PTPRD: variants seen among roughly 807,000 people sequenced by gnomAD.
PTPRD encodes the protein protein tyrosine phosphatase receptor type D.
Under a neutral mutation model 214.5 loss-of-function variants are expected in PTPRD, and 34 were observed. That is an observed-to-expected ratio of 0.16 (90% confidence interval 0.12 to 0.21). The LOEUF (loss-of-function observed/expected upper bound fraction) is 0.21. PTPRD is among the 10% of genes least tolerant of loss of function. PTPRD has a pLI of 1.00. For missense variants in PTPRD, 2,545 were observed against 2,398.7 expected (o/e 1.06, Z -1.27); for synonymous variants, 1,128 against 845.7 (o/e 1.33, Z -5.79).
At chr9:8,794,069 G>A (rs183963896) in intron 11 of PTPRD, among the ~76,000 whole-genome samples, 60 of 152,292 alleles carry the variant, frequency 3.9e-4, no homozygotes, top group Non-Finnish European at 1.5e-5. Flanking sequence ...GCATTACAGT[G>A]CAGCAGCCTG....
At chr9:8,822,749 C>T (rs956919668) in intron 11 of PTPRD, among the ~76,000 whole-genome samples, 1 of 152,214 alleles carries the variant, frequency 6.6e-6, no homozygotes, top group South Asian at 2.1e-4. Flanking sequence ...AAGCAATTTG[C>T]CCAAGGTCCC....
At chr9:9,595,621 G>T (rs2093280667) in intron 7 of PTPRD, among the ~76,000 whole-genome samples, 1 of 151,570 alleles carries the variant, frequency 6.6e-6, no homozygotes, top group Non-Finnish European at 1.5e-5. Context: ...CCATTAAAAG[G>T]AATGAATTAA....
At position 10,036,318 on chromosome 9, in the gene PTPRD, C is replaced by T. The variant is rs140277474; in HGVS notation, c.-544-2528G>A. On this transcript the variant is annotated intron_variant, in intron 3 of 45. Transcript: ENST00000381196. ...GGTAAATGATCATCAATGTGTTACC[C>T]GCATGCTTAATTCCCTGATGTATTT... Among the ~76,000 whole-genome samples, 4 of 151,920 alleles carry T rather than the reference C, an allele frequency of 2.6e-5. No homozygotes were observed. The South Asian group carries it at 6.2e-4, about 24-fold the overall frequency.
rs187267643 is a variant in PTPRD at position 10,220,576 on chromosome 9, C to A, written c.-545+120387G>T. On this transcript the variant is annotated intron_variant, in intron 3 of 45. Transcript: ENST00000381196. ...ATTACAAATTTAAAAAGTTAATTGACAGCTGTCCTGTTACAATTATTTTTA... is the reference window on the plus strand; with the variant it reads ...ATTACAAATTTAAAAAGTTAATTGAAAGCTGTCCTGTTACAATTATTTTTA... Among the ~76,000 whole-genome samples the A allele has an allele frequency of 1.1e-3, 167 of 151,996 alleles. 1 individual carries two copies. Among genetic ancestry groups the A allele is most frequent in the Non-Finnish European group, 1.9e-3 (131 of 67,898 alleles).
At chr9:8,874,951 G>A (rs995160597) in intron 11 of PTPRD, among the ~76,000 whole-genome samples, 4 of 152,150 alleles carry the variant, frequency 2.6e-5, no homozygotes, top group African/African-American at 9.7e-5. Context: ...TGGATGCAGA[G>A]GAGATTCACT....
intron 3 of PTPRD, among the ~76,000 whole-genome samples, chr9:10,058,021 G>C (rs2154163953): frequency 6.6e-6 from 1 of 152,168 alleles, no homozygotes; most frequent in African/African-American, 2.4e-5. Flanking sequence ...TGTTAAAGGA[G>C]AGTATTCTTA....
intron 10 of PTPRD, among the ~76,000 whole-genome samples, chr9:9,169,392 C>A (rs2099910252): frequency 6.6e-6 from 1 of 151,934 alleles, no homozygotes; most frequent in South Asian, 2.1e-4. Flanking sequence ...AATGAATAGA[C>A]GGTAAGTATT....
At chr9:10,001,127 C>T (rs2096299895) in intron 4 of PTPRD, among the ~76,000 whole-genome samples, 1 of 152,076 alleles carries the variant, frequency 6.6e-6, no homozygotes, top group African/African-American at 2.4e-5. Flanking sequence ...AACCACTCCA[C>T]GTGTGTCTCT....
At chr9:9,175,466 C>CA (rs1447688515) in intron 10 of PTPRD, among the ~76,000 whole-genome samples, 2 of 151,198 alleles carry the variant, frequency 1.3e-5, no homozygotes, top group East Asian at 2.0e-4. Flanking sequence ...ACTAAAAATA[C>CA]AAAAAAATTA....
intron 39 of PTPRD, among the ~76,000 whole-genome samples, chr9:8,357,505 G>A (rs576958440): frequency 6.6e-6 from 1 of 152,276 alleles, no homozygotes; most frequent in Non-Finnish European, 1.5e-5. Flanking sequence ...GAACATATAA[G>A]CAGCAAATAT....
chr9:10,503,965 A>C (rs965538992), intron 2 of PTPRD, among the ~76,000 whole-genome samples: 1 of 151,142 alleles, frequency 6.6e-6, no homozygotes, highest in African/African-American at 2.4e-5. Flanking sequence ...AAATACAAAA[A>C]ATTAGCCGGG....
chr9:9,764,208 G>T (rs1050036292), intron 6 of PTPRD, among the ~76,000 whole-genome samples: 2 of 152,126 alleles, frequency 1.3e-5, no homozygotes, highest in African/African-American at 4.8e-5. Flanking sequence ...ACAAACATTT[G>T]AACTAAAATA....
intron 8 of PTPRD, among the ~76,000 whole-genome samples, chr9:9,430,949 C>G (rs2082853592): frequency 1.3e-5 from 2 of 152,160 alleles, no homozygotes; most frequent in African/African-American, 2.4e-5. Flanking sequence ...CCATAAAAAT[C>G]TTAGAAGAAA....
At chr9:9,849,903 C>A (rs1050347768) in intron 5 of PTPRD, among the ~76,000 whole-genome samples, 3 of 152,082 alleles carry the variant, frequency 2.0e-5, no homozygotes, top group African/African-American at 7.2e-5. Context: ...CAAGGAAGAG[C>A]ATGGTCCTAC....
Position 8,399,262 on chromosome 9 carries a change from A to G in PTPRD, c.4210+5275T>C, listed in dbSNP as rs558852284. Among the ~76,000 whole-genome samples the G allele has an allele frequency of 4.6e-5, 7 of 152,316 alleles. No individual in the cohort carries two copies. The East Asian group carries it at 9.6e-4, about 21-fold the overall frequency. On this transcript the variant is annotated intron_variant, in intron 36 of 45. Transcript: ENST00000381196. The stretch of plus-strand genomic sequence containing the variant: ...ATCCTTGTTTTATAAGAAAACAACG[A>G]AAGACTCTAAGTCATAGGTTCTTCC...
At position 9,186,631 on chromosome 9, in the gene PTPRD, C is replaced by CCT. The variant is rs141616035; in HGVS notation, c.-202-3270_-202-3269dup. Among the ~76,000 whole-genome samples, 774 of 141,032 alleles carry CCT rather than the reference C, an allele frequency of 5.5e-3. 3 individuals are homozygous for CCT. Among genetic ancestry groups the CCT allele is most frequent in the African/African-American group, 8.9e-3 (336 of 37,598 alleles). 92.5% of individuals were successfully genotyped at this position (141,032 alleles called of 152,430 possible). A position where few individuals can be genotyped will look rare whatever the true frequency, so the allele number is the denominator to read the frequency against. ...GTCTCTCTCTCTCTCTCTGTCTCTC[C>CCT]CTCTCTCTCTCTCTCTCTCTCTCTC... On this transcript the variant is annotated intron_variant, in intron 9 of 45. Transcript: ENST00000381196.
intron 6 of PTPRD, among the ~76,000 whole-genome samples, chr9:9,757,149 T>C (rs1596924746): frequency 6.6e-6 from 1 of 152,330 alleles, no homozygotes; most frequent in Non-Finnish European, 1.5e-5. Context: ...ATTCCCTTTA[T>C]GACCATTCCT....
At chr9:8,851,580 A>G (rs1402132147) in intron 11 of PTPRD, among the ~76,000 whole-genome samples, 2 of 152,224 alleles carry the variant, frequency 1.3e-5, no homozygotes, top group Non-Finnish European at 2.9e-5. Flanking sequence ...AATCACTTTT[A>G]ACAAATAGCT....
intron 4 of PTPRD, among the ~76,000 whole-genome samples, chr9:9,997,001 T>C (rs1468110799): frequency 1.3e-5 from 2 of 152,200 alleles, no homozygotes; most frequent in Non-Finnish European, 2.9e-5. Flanking sequence ...AGAAACTATC[T>C]TTGAAGAAGC....
Sources: gnomAD v4.1 joint callset for allele counts (sites outside exome capture counted in the v4.1 genomes callset) on GRCh38, gnomAD v4.1.1 for gene constraint, MANE v1.5 for transcripts, NCBI Gene and HGNC (gene_info 2026-07-23, HGNC 2026-07-21) for gene names.